ROS1: variants seen among roughly 807,000 people sequenced by gnomAD.
The protein encoded by ROS1 is proto-oncogene tyrosine-protein kinase ROS.
A neutral mutation model predicts 273.5 loss-of-function variants in ROS1; 263 were observed. The observed-to-expected ratio is 0.96, with a 90% CI of 0.87 to 1.06. ROS1 has a LOEUF of 1.06. Ranked by LOEUF, ROS1 falls within the 50% of genes least tolerant of loss-of-function variation. ROS1 has a pLI of 0.00. For missense variants in ROS1, 2,833 were observed against 2,751.1 expected (o/e 1.03, Z -0.67); for synonymous variants, 1,008 against 954.1 (o/e 1.06, Z -1.04).
chr6:117,316,680 G>A lies in ROS1; in HGVS notation c.6117+463C>T, dbSNP rs180948368. ...GTAGATGGGTGGAGTAGGAGAGGACGTACGAAATCAAGAGCTCCGTTTGGG... is the reference window on the plus strand; with the variant it reads ...GTAGATGGGTGGAGTAGGAGAGGACATACGAAATCAAGAGCTCCGTTTGGG... On this transcript the variant is annotated intron_variant, in intron 39 of 43. Coordinates refer to ENST00000368507, the MANE Select transcript of ROS1 (RefSeq NM_001378902.1). Among the ~76,000 whole-genome samples the A allele has an allele frequency of 3.4e-3, 521 of 151,866 alleles. 9 individuals are homozygous for A. The highest frequency in any genetic ancestry group is 2.3e-3 in the Non-Finnish European group (158 of 67,916).
intron 2 of ROS1, among the ~76,000 whole-genome samples, chr6:117,416,709 C>G (rs890921757): frequency 5.3e-5 from 8 of 152,088 alleles, no homozygotes; most frequent in African/African-American, 1.9e-4. Flanking sequence ...AAGCAAAACT[C>G]AAAACTGGTG....
At position 117,386,958 on chromosome 6, in the gene ROS1, G is replaced by A. The variant is rs770462582; in HGVS notation, c.2041C>T (p.Leu681Phe). The A allele has an allele frequency of 1.2e-6, 2 of 1,612,738 alleles. No individual in the cohort carries two copies. The highest frequency in any genetic ancestry group is 1.7e-5 in the Admixed American group (1 of 59,904). ...PFIMAVKEDG[L>F]WSKPLNSFGP... Reference sequence around the variant, plus strand: ...AAGCTATTTAATGGTTTACTCCAAAGCCCATCTTCTTTCACAGCCATGATA... The same window carrying A: ...AAGCTATTTAATGGTTTACTCCAAAACCCATCTTCTTTCACAGCCATGATA... Residue 681 changes from leucine to phenylalanine, a missense_variant, in exon 15 of 44, where the codon CTT becomes TTT. Transcript: ENST00000368507.
At chr6:117,295,003 C>T (rs936737550) in intron 43 of ROS1, among the ~76,000 whole-genome samples, 1 of 152,130 alleles carries the variant, frequency 6.6e-6, no homozygotes, top group Admixed American at 6.5e-5. Flanking sequence ...ATAGCCAAAG[C>T]TATCCTAAGC....
chr6:117,366,010 C>G, intron 19 of ROS1, 66 bp downstream of exon 19: 2 of 1,326,606 alleles, frequency 1.5e-6, no homozygotes, highest in South Asian at 1.2e-5. Context: ...AAAAAATATC[C>G]CAACCTAAAC....
chr6:117,340,761 C>T (rs1421988008), intron 31 of ROS1, among the ~76,000 whole-genome samples: 1 of 152,032 alleles, frequency 6.6e-6, no homozygotes, highest in African/African-American at 2.4e-5. Flanking sequence ...GATGAAAGAA[C>T]ATTTCTAAAC....
chr6:117,308,732 C>T (rs2128545671), intron 42 of ROS1, 62 bp downstream of exon 42: 1 of 1,541,748 alleles, frequency 6.5e-7, no homozygotes, highest in Non-Finnish European at 8.8e-7. Flanking sequence ...ATCAAGAGGC[C>T]TAAGATTGTA....
chr6:117,321,498 A>G (rs1431904682), intron 35 of ROS1, 104 bp from the exon 36 acceptor site: 6 of 899,730 alleles, frequency 6.7e-6, no homozygotes, highest in Non-Finnish European at 1.0e-5. Context: ...CAAGAACACT[A>G]TCAGTAGAAT....
chr6:117,371,585 G>C (rs1694390840), intron 18 of ROS1, among the ~76,000 whole-genome samples: 1 of 152,164 alleles, frequency 6.6e-6, no homozygotes, highest in South Asian at 2.1e-4. Flanking sequence ...ACCTGGGAAA[G>C]GGGGCAAATA....
intron 32 of ROS1, 150 bp downstream of exon 32, chr6:117,337,022 T>C (rs1364862118): frequency 1.5e-6 from 1 of 675,626 alleles, no homozygotes; most frequent in Non-Finnish European, 2.4e-6. Flanking sequence ...AGGTCTCCTA[T>C]ATTTTCTGAA....
intron 41 of ROS1, 130 bp from the exon 42 acceptor site, chr6:117,309,058 G>A: frequency 5.3e-6 from 4 of 754,410 alleles, no homozygotes; most frequent in Non-Finnish European, 6.2e-6. Context: ...CCTCATAAAA[G>A]GCAAACGGCA....
chr6:117,394,670 A>C lies in ROS1; in HGVS notation c.952T>G (p.Leu318Val), dbSNP rs2128713552. The C allele has an allele frequency of 1.2e-6, 2 of 1,612,016 alleles. No individual in the cohort carries two copies. The highest frequency in any genetic ancestry group is 4.5e-5 in the East Asian group (2 of 44,844). ...CGAAGGCAATGTGCTTCATCTACTAAATGTTTTAAAGATCTCTTTCTTAGA... is the reference window on the plus strand; with the variant it reads ...CGAAGGCAATGTGCTTCATCTACTACATGTTTTAAAGATCTCTTTCTTAGA... ...TSLRKRSLKHLVDEAHCLRLD... is the reference protein window; with the variant it reads ...TSLRKRSLKHVVDEAHCLRLD... The change falls in exon 10 of 44, where the codon TTA becomes GTA. Residue 318 changes from leucine (L) to valine (V), a missense_variant. Leu to Val is a conservative substitution (Grantham distance 32). Transcript: ENST00000368507.
rs192709249 is a variant in ROS1, at chr6:117,375,584, T to G, written c.2582+3475A>C. The stretch of plus-strand genomic sequence containing the variant: ...TACCCCTTAAACTAAAATAAAAAAT[T>G]TAAAACCAACAATAAAACAATACAA... On this transcript the variant is annotated intron_variant, in intron 18 of 43. Coordinates refer to ENST00000368507, the MANE Select transcript of ROS1 (RefSeq NM_001378902.1). Among the ~76,000 whole-genome samples, 65 of 151,960 alleles carry G rather than the reference T, an allele frequency of 4.3e-4. 1 individual carries two copies. The highest frequency in any genetic ancestry group is 4.1e-3 in the Admixed American group (62 of 15,248).
intron 17 of ROS1, among the ~76,000 whole-genome samples, chr6:117,382,067 A>G (rs967982642): frequency 6.6e-6 from 1 of 152,142 alleles, no homozygotes; most frequent in Non-Finnish European, 1.5e-5. Context: ...AGAAGAAGTT[A>G]CTCTTGAGAT....
chr6:117,385,642 G>C (rs373915807), intron 16 of ROS1, 41 bp downstream of exon 16: 13 of 1,571,508 alleles, frequency 8.3e-6, no homozygotes, highest in Non-Finnish European at 1.1e-5. Flanking sequence ...AAGTGGATAA[G>C]TATCATTCTA....
chr6:117,396,623 T>C lies in ROS1; in HGVS notation c.806+292A>G, dbSNP rs1442029800. On this transcript the variant is annotated intron_variant, in intron 8 of 43. Transcript: ENST00000368507. ...GAACTCTACCTCCTTACTTTTTTCA[T>C]ATTGGATTAAATGAAAATTTGACAT... 2.6e-5 allele frequency among the ~76,000 whole-genome samples: 4 copies of C among 152,360 alleles called. No homozygotes were observed. The East Asian group carries it at 7.7e-4, about 29-fold the overall frequency.
At chr6:117,380,383 ATCTT>A (rs760016518) in intron 17 of ROS1, among the ~76,000 whole-genome samples, 50 of 152,124 alleles carry the variant, frequency 3.3e-4, no homozygotes, top group Non-Finnish European at 7.1e-4. Flanking sequence ...ACAGCCTTCT[ATCTT>A]CAGGAAAATT....
At chr6:117,344,987 C>T (rs968799473) in intron 27 of ROS1, among the ~76,000 whole-genome samples, 1 of 152,204 alleles carries the variant, frequency 6.6e-6, no homozygotes, top group African/African-American at 2.4e-5. Flanking sequence ...CACTCTCAGT[C>T]TTTATGTAAA....
rs2128616938 is a variant in ROS1, at chr6:117,337,238, T to C, written c.5164A>G (p.Arg1722Gly). Residue 1722 changes from arginine to glycine, a missense_variant, in exon 32 of 44, where the codon AGA becomes GGA. Arg to Gly is a moderately radical substitution (Grantham distance 125, BLOSUM62 -2). Coordinates refer to ENST00000368507, the MANE Select transcript of ROS1 (RefSeq NM_001378902.1). ...NLQPYTSYNV[R>G]VVVVYKTGEN... is the part of the protein sequence containing the mutation. ...CCCGTCTTATAAACCACCACTACTC[T>C]GACATTATATGAAGTATAAGGTTGT... The C allele has an allele frequency of 3.1e-6, 5 of 1,612,508 alleles. No individual in the cohort carries two copies. The highest frequency in any genetic ancestry group is 4.2e-6 in the Non-Finnish European group (5 of 1,178,978).
chr6:117,342,602 A>G, intron 28 of ROS1, 58 bp from the exon 29 acceptor site: 1 of 1,115,460 alleles, frequency 9.0e-7, no homozygotes, highest in East Asian at 2.7e-5. Flanking sequence ...ACAAATTGGT[A>G]GAAATTATTT....
Sources: allele counts gnomAD v4.1 joint callset (sites outside exome capture counted in the v4.1 genomes callset), GRCh38; gene constraint gnomAD v4.1.1; transcripts MANE v1.5; gene names NCBI Gene and HGNC (gene_info 2026-07-23, HGNC 2026-07-21).